DNMT1: variants seen among roughly 807,000 people sequenced by gnomAD.
DNMT1 encodes the protein DNA methyltransferase 1.
DNMT1 carries 24 observed loss-of-function variants against 205.3 expected under a neutral mutation model. That is an observed-to-expected ratio of 0.12 (90% CI 0.08 to 0.16). The LOEUF (loss-of-function observed/expected upper bound fraction) is 0.16. Ranked by LOEUF, DNMT1 falls within the 10% of genes least tolerant of loss-of-function variation. The pLI is 1.00. For missense variants in DNMT1, 1,293 were observed against 2,177.7 expected (o/e 0.59, Z 8.09); for synonymous variants, 817 against 839.8 (o/e 0.97, Z 0.47).
chr19:10,149,647 G>C lies in DNMT1; in HGVS notation c.2392C>G (p.Leu798Val). ...TGCCCGTTGCTGCTGTCCTCCCACA[G>C]CGCCGTGACCCTGGAATCAGAAGAC... Reference protein sequence around the residue: ...KPLYLARVTALWEDSSNGQMF... With the variant: ...KPLYLARVTAVWEDSSNGQMF... Residue 798 changes from leucine (L) to valine (V), a missense_variant, in exon 26 of 41, where the codon CTG becomes GTG. Coordinates refer to ENST00000359526, the MANE Select transcript of DNMT1 (RefSeq NM_001130823.3). 6.2e-7 allele frequency: 1 copy of C among 1,613,744 alleles called. No individual in the cohort carries two copies. The highest frequency in any genetic ancestry group is 8.5e-7 in the Non-Finnish European group (1 of 1,180,042).
At chr19:10,192,532 C>T (rs768980586) in intron 1 of DNMT1, among the ~76,000 whole-genome samples, 1 of 151,990 alleles carries the variant, frequency 6.6e-6, no homozygotes, top group African/African-American at 2.4e-5. Flanking sequence ...GAAGCTGAGG[C>T]AGGAGGATCG....
At chr19:10,171,267 G>T (rs1476243422) in intron 9 of DNMT1, among the ~76,000 whole-genome samples, 1 of 152,152 alleles carries the variant, frequency 6.6e-6, no homozygotes, top group Non-Finnish European at 1.5e-5. Flanking sequence ...ATGTCTGGAT[G>T]ATGCTAAAGA....
rs2145266090 is a variant in DNMT1 at position 10,140,423 on chromosome 19, G to A, written c.3524-95C>T. On this transcript the variant is annotated intron_variant, in intron 32 of 40. Transcript: ENST00000359526. The surrounding 1 kb of genome is among the most constrained non-coding windows in gnomAD (Gnocchi z 8.4). ...CTCGCTCTGTCACCCAGGCTGGAGTGCAGTGGTGTGATCTTGGCTCACTGC... is the reference window on the plus strand; with the variant it reads ...CTCGCTCTGTCACCCAGGCTGGAGTACAGTGGTGTGATCTTGGCTCACTGC... The A allele has an allele frequency of 6.6e-7, 1 of 1,513,184 alleles. No homozygotes were observed. The highest frequency in any genetic ancestry group is 2.4e-5 in the East Asian group (1 of 41,348). 93.7% of individuals were successfully genotyped at this position (1,513,184 alleles called of 1,614,324 possible). A position where few individuals can be genotyped will look rare whatever the true frequency, so the allele number is the denominator to read the frequency against.
chr19:10,135,917 G>A, intron 38 of DNMT1, 65 bp from the exon 39 acceptor site: 5 of 1,516,090 alleles, frequency 3.3e-6, no homozygotes, highest in Non-Finnish European at 4.4e-6. Context: ...TCGGGGACAG[G>A]GAGGGAAATG....
intron 27 of DNMT1, among the ~76,000 whole-genome samples, chr19:10,148,285 A>T (rs188995261): frequency 1.5e-3 from 232 of 151,366 alleles, no homozygotes; most frequent in East Asian, 7.0e-3. Context: ...TCACAAGGTC[A>T]GGAGATCGAG....
At chr19:10,149,421 G>A in intron 26 of DNMT1, 32 bp downstream of exon 26, 2 of 1,611,458 alleles carry the variant, frequency 1.2e-6, no homozygotes, top group Non-Finnish European at 1.7e-6. Flanking sequence ...CCACGATAAG[G>A]CAGGGGCTCA....
chr19:10,178,885 G>A (rs1381269267), intron 5 of DNMT1, among the ~76,000 whole-genome samples: 5 of 152,130 alleles, frequency 3.3e-5, no homozygotes, highest in African/African-American at 1.2e-4. Flanking sequence ...CCAGCACTTT[G>A]GGAGGCCGAG....
At chr19:10,162,189 A>G (rs1349675217) in intron 13 of DNMT1, among the ~76,000 whole-genome samples, 1 of 149,584 alleles carries the variant, frequency 6.7e-6, no homozygotes, top group Non-Finnish European at 1.5e-5. Context: ...TCCAGGCAGG[A>G]GTACAGTGGC....
intron 29 of DNMT1, among the ~76,000 whole-genome samples, chr19:10,143,166 T>A (rs1429582908): frequency 2.6e-5 from 4 of 152,178 alleles, no homozygotes; most frequent in Admixed American, 2.6e-4. Flanking sequence ...GGACAGAACC[T>A]GGACAGTCAT....
rs1568220591 is a variant in DNMT1 at position 10,137,835 on chromosome 19, A to G, written c.4290T>C (p.Cys1430=). ...QYQPILRDHI[C]KDMSALVAAR... is the part of the protein sequence containing the mutation. The stretch of plus-strand genomic sequence containing the variant: ...CGCTCTGTCAGGGTGCCATTACCTT[A>G]CAGATGTGGTCCCTGAGGATGGGCT... Residue 1430 remains cysteine (C), a synonymous_variant, in exon 36 of 41, where the codon TGT becomes TGC. Coordinates refer to ENST00000359526, the MANE Select transcript of DNMT1 (RefSeq NM_001130823.3). The surrounding 1 kb of genome is among the most constrained non-coding windows in gnomAD (Gnocchi z 6.4). 6.2e-7 allele frequency: 1 copy of G among 1,612,858 alleles called. No homozygotes were observed. Among genetic ancestry groups the G allele is most frequent in the Non-Finnish European group, 8.5e-7 (1 of 1,179,784 alleles).
At chr19:10,164,318 T>C (rs2145334221) in intron 11 of DNMT1, among the ~76,000 whole-genome samples, 1 of 152,264 alleles carries the variant, frequency 6.6e-6, no homozygotes, top group Admixed American at 6.5e-5. Flanking sequence ...TAATTCTGTA[T>C]TTTTAGTAGA....
rs1378151018 is a variant in DNMT1 at position 10,151,010 on chromosome 19, G to T, written c.2265+388C>A. Among the ~76,000 whole-genome samples the T allele has an allele frequency of 6.6e-6, 1 of 152,166 alleles. No individual in the cohort carries two copies. Among genetic ancestry groups the T allele is most frequent in the Non-Finnish European group, 1.5e-5 (1 of 68,030 alleles). On this transcript the variant is annotated intron_variant, in intron 24 of 40. Coordinates refer to ENST00000359526, the MANE Select transcript of DNMT1 (RefSeq NM_001130823.3). This position sits in a 1 kb window ranked among gnomAD's most constrained non-coding sequence, Gnocchi z 5.0. ...TTCAGGAGGGTGGGGCAGGAGAATC[G>T]CTTGAACCTGGGAGGCAGAGGTTGC...
chr19:10,146,615 T>C lies in DNMT1; in HGVS notation c.2721-91A>G, dbSNP rs893535995. ...TGCCAGCTTAATCCAGAGACTCTGG[T>C]AACCAAGAGGAAAAAACATTTGCAG... On this transcript the variant is annotated intron_variant, in intron 27 of 40. Coordinates refer to ENST00000359526, the MANE Select transcript of DNMT1 (RefSeq NM_001130823.3). The surrounding 1 kb of genome is among the most constrained non-coding windows in gnomAD (Gnocchi z 4.4). The C allele has an allele frequency of 4.6e-6, 7 of 1,527,862 alleles. No homozygotes were observed. The highest frequency in any genetic ancestry group is 5.4e-6 in the Non-Finnish European group (6 of 1,118,352). 94.6% of individuals were successfully genotyped at this position (1,527,862 alleles called of 1,614,324 possible).
intron 29 of DNMT1, 94 bp from the exon 30 acceptor site, chr19:10,142,314 G>A: frequency 6.4e-7 from 1 of 1,563,678 alleles, no homozygotes; most frequent in Non-Finnish European, 8.7e-7. Context: ...TCAGGGAACT[G>A]CAGGGTAAAG....
chr19:10,140,446 T>C lies in DNMT1; in HGVS notation c.3524-118A>G. ...GTGCAGTGGTGTGATCTTGGCTCAC[T>C]GCAAGCTCTGCCTCCCAGGTTCAAG... is the stretch of plus-strand genomic sequence containing the variant. On this transcript the variant is annotated intron_variant, in intron 32 of 40. Coordinates refer to ENST00000359526, the MANE Select transcript of DNMT1 (RefSeq NM_001130823.3). The surrounding 1 kb of genome is among the most constrained non-coding windows in gnomAD (Gnocchi z 8.4). 2 of 1,414,208 alleles carry C rather than the reference T, an allele frequency of 1.4e-6. No individual in the cohort carries two copies. Among genetic ancestry groups the C allele is most frequent in the Non-Finnish European group, 1.9e-6 (2 of 1,039,156 alleles). The allele number at this position is 1,414,208 out of a possible 1,614,324, so 87.6% of individuals were successfully genotyped here.
chr19:10,143,104 AG>A (rs1226904935), intron 29 of DNMT1, among the ~76,000 whole-genome samples: 1 of 152,368 alleles, frequency 6.6e-6, no homozygotes, highest in East Asian at 1.9e-4. Context: ...CTTAGGAAAG[AG>A]AAAAAATCCC....
In DNMT1 at chr19:10,146,469, C is replaced by T; in HGVS notation, c.2776G>A (p.Val926Ile). The T allele has an allele frequency of 1.9e-6, 3 of 1,614,090 alleles. No homozygotes were observed. The highest frequency in any genetic ancestry group is 2.5e-6 in the Non-Finnish European group (3 of 1,180,020). The part of the protein sequence containing the change: ...AEMRQKEIPR[V>I]LEQLEDLDSR... ...TCCAGGTCCTCGAGCTGCTCCAGGA[C>T]CCTGGGGATTTCTTTTTGCCTCATC... Residue 926 changes from valine to isoleucine, a missense_variant, in exon 28 of 41, where the codon GTC (valine) becomes ATC (isoleucine). Around this residue, in one of 13 missense-constraint regions of DNMT1, gnomAD observed 112 missense variants for 116.6 expected, o/e 0.96. Coordinates refer to ENST00000359526, the MANE Select transcript of DNMT1 (RefSeq NM_001130823.3). The surrounding 1 kb of genome is among the most constrained non-coding windows in gnomAD (Gnocchi z 4.4).
intron 2 of DNMT1, among the ~76,000 whole-genome samples, chr19:10,181,093 T>C (rs1174674294): frequency 6.6e-6 from 1 of 151,876 alleles, no homozygotes; most frequent in African/African-American, 2.4e-5. Context: ...TGGTGAAAAA[T>C]GGGAAAGCTG....
intron 13 of DNMT1, among the ~76,000 whole-genome samples, chr19:10,162,028 GAC>G (rs778361323): frequency 5.8e-4 from 88 of 151,998 alleles, no homozygotes; most frequent in Middle Eastern, 6.8e-3. Context: ...TTTTAGTAGA[GAC>G]AGGGTTTCAC....
Sources: gnomAD v4.1 joint callset for allele counts (sites outside exome capture counted in the v4.1 genomes callset) on GRCh38, gnomAD v4.1.1 for gene constraint, gnomAD v4.1.1 regional missense constraint, Gnocchi (gnomAD v3.1) non-coding constraint, MANE v1.5 for transcripts, NCBI Gene and HGNC (gene_info 2026-07-23, HGNC 2026-07-21) for gene names.